Variants in CHST11 observed in about 807,000 individuals in gnomAD.
The protein encoded by CHST11 is carbohydrate sulfotransferase 11, also known as C4S-1.
Under a neutral mutation model 30.4 loss-of-function variants are expected in CHST11, and 9 were observed. The observed-to-expected ratio is 0.30, with a 90% CI of 0.18 to 0.52. The LOEUF (loss-of-function observed/expected upper bound fraction) is 0.52, where lower values mean the gene tolerates loss of function less well. CHST11 is among the 20% of genes least tolerant of loss of function. The probability of loss-of-function intolerance (pLI) is 0.97; values close to 1 mark genes in which losing one functional copy is unlikely to be tolerated. For synonymous variants in CHST11, 152 were observed against 187.8 expected, an observed-to-expected ratio of 0.81 and a Z score of 1.56; for missense variants, 348 against 460.6, an observed-to-expected ratio of 0.76 and a Z score of 2.24.
At chr12:104,749,529 A>G (rs1002588703) in intron 2 of CHST11, among the ~76,000 whole-genome samples, 9 of 152,230 alleles carry the variant, frequency 5.9e-5, no homozygotes, top group Non-Finnish European at 1.2e-4. Flanking sequence ...CAGCTCAGAT[A>G]ATTGTCAGAT....
chr12:104,483,675 G>C (rs954155637), intron 1 of CHST11, among the ~76,000 whole-genome samples: 2 of 152,166 alleles, frequency 1.3e-5, no homozygotes, highest in Admixed American at 6.5e-5. Flanking sequence ...GAGAGTAAGG[G>C]GTACCTGAGT....
chr12:104,553,568 CGAGAGAGAGAGA>C lies in CHST11; in HGVS notation c.119-48316_119-48305del, dbSNP rs3039120. On this transcript the variant is annotated intron_variant, in intron 1 of 2. Coordinates refer to ENST00000303694, the MANE Select transcript of CHST11 (RefSeq NM_018413.6). ...CAAGCAAATCTTCACATGGTGTCAG[CGAGAGAGAGAGA>C]GAGAGAGAGAGAGAGAGAGAGTGAG... 2.6e-3 allele frequency: 369 copies of C among 140,046 alleles called. 1 individual carries two copies. Among genetic ancestry groups the C allele is most frequent in the Non-Finnish European group, 4.1e-3 (269 of 65,286 alleles). 8.7% of individuals were successfully genotyped at this position (140,046 alleles called of 1,614,324 possible).
At chr12:104,665,796 TTC>T (rs1039686758) in intron 2 of CHST11, among the ~76,000 whole-genome samples, 8 of 145,314 alleles carry the variant, frequency 5.5e-5, no homozygotes, top group African/African-American at 2.0e-4. Context: ...CCCTTTCTCT[TTC>T]TCTCTCTCTG....
intron 1 of CHST11, among the ~76,000 whole-genome samples, chr12:104,513,678 C>G (rs1431932823): frequency 7.2e-5 from 11 of 152,170 alleles, no homozygotes; most frequent in Admixed American, 6.5e-4. Context: ...CCCAGTGATC[C>G]TCTTGTTGAT....
intron 2 of CHST11, among the ~76,000 whole-genome samples, chr12:104,708,713 A>G (rs955550260): frequency 2.0e-5 from 3 of 151,804 alleles, no homozygotes; most frequent in Non-Finnish European, 4.4e-5. Context: ...TCTCTAGAAA[A>G]CCACAGTCTG....
intron 2 of CHST11, among the ~76,000 whole-genome samples, chr12:104,703,720 G>C (rs1319172683): frequency 1.3e-5 from 2 of 152,232 alleles, no homozygotes; most frequent in Admixed American, 1.3e-4. Context: ...TCCATTCCAG[G>C]CTCACTGTGT....
At position 104,729,449 on chromosome 12, in the gene CHST11, T is replaced by C. The variant is rs2040239421; in HGVS notation, c.205-27500T>C. Among the ~76,000 whole-genome samples, 1 of 152,182 alleles carries C rather than the reference T, an allele frequency of 6.6e-6. No homozygotes were observed. Among genetic ancestry groups the C allele is most frequent in the African/African-American group, 2.4e-5 (1 of 41,440 alleles). On this transcript the variant is annotated intron_variant, in intron 2 of 2. Transcript: ENST00000303694. The surrounding 1 kb of genome is among the most constrained non-coding windows in gnomAD (Gnocchi z 4.0). ...CTCTGCAGACAGTTCACCCAAATGA[T>C]TTGTGAAGAATGCAGATTCCTGTGC...
chr12:104,526,261 C>A (rs1296717236), intron 1 of CHST11, among the ~76,000 whole-genome samples: 1 of 151,716 alleles, frequency 6.6e-6, no homozygotes, highest in Non-Finnish European at 1.5e-5. Flanking sequence ...GGGAGAATTT[C>A]TCTTGGTGTT....
rs144334781 is a variant in CHST11 at position 104,713,911 on chromosome 12, A to G, written c.205-43038A>G. On this transcript the variant is annotated intron_variant, in intron 2 of 2. Transcript: ENST00000303694. ...TCGTTGCATTTTTGCCAACCCACCCATAGCTGCCCCTTTATTTTCATTCTG... is the reference window on the plus strand; with the variant it reads ...TCGTTGCATTTTTGCCAACCCACCCGTAGCTGCCCCTTTATTTTCATTCTG... Among the ~76,000 whole-genome samples the G allele has an allele frequency of 2.9e-3, 449 of 152,284 alleles. 2 individuals carry two copies. Among genetic ancestry groups the G allele is most frequent in the African/African-American group, 0.01 (422 of 41,554 alleles).
chr12:104,508,338 T>C (rs1334761978), intron 1 of CHST11, among the ~76,000 whole-genome samples: 1 of 152,246 alleles, frequency 6.6e-6, no homozygotes, highest in Non-Finnish European at 1.5e-5. Context: ...GTGCTTCCTC[T>C]GTAAAGTAAG....
chr12:104,670,668 CAAAT>C (rs140759691), intron 2 of CHST11, among the ~76,000 whole-genome samples: 11,016 of 150,718 alleles, frequency 0.073, 691 homozygotes, highest in East Asian at 0.3. Flanking sequence ...CACACACACA[CAAAT>C]ATACTCTCAC....
intron 1 of CHST11, among the ~76,000 whole-genome samples, chr12:104,581,166 A>G (rs572181052): frequency 6.4e-4 from 98 of 152,136 alleles, no homozygotes; most frequent in Non-Finnish European, 1.2e-3. Flanking sequence ...TGCTTCTTGC[A>G]TCCTTATCCT....
chr12:104,637,569 C>G lies in CHST11; in HGVS notation c.204+35578C>G, dbSNP rs1163661715. The stretch of plus-strand genomic sequence containing the variant: ...AGATTAAAATCTGTGTGAGACCTTT[C>G]TATGGCTTCCTTCCTGTTGCACTTA... On this transcript the variant is annotated intron_variant, in intron 2 of 2. Coordinates refer to ENST00000303694, the MANE Select transcript of CHST11 (RefSeq NM_018413.6). 2.0e-5 allele frequency among the ~76,000 whole-genome samples: 3 copies of G among 152,310 alleles called. No homozygotes were observed. In the East Asian group the frequency reaches 5.8e-4, roughly 29 times the overall value.
chr12:104,649,819 A>C (rs923656034), intron 2 of CHST11, among the ~76,000 whole-genome samples: 1 of 152,246 alleles, frequency 6.6e-6, no homozygotes, highest in African/African-American at 2.4e-5. Flanking sequence ...TGGGGAATGC[A>C]GCACTCAGCA....
chr12:104,541,395 G>A (rs972153356), intron 1 of CHST11, among the ~76,000 whole-genome samples: 16 of 151,960 alleles, frequency 1.1e-4, no homozygotes, highest in Admixed American at 6.6e-5. Flanking sequence ...TTCATGAAAC[G>A]TGGTCTGTGT....
chr12:104,578,088 C>T (rs1043400346), intron 1 of CHST11, among the ~76,000 whole-genome samples: 4 of 152,106 alleles, frequency 2.6e-5, no homozygotes, highest in Non-Finnish European at 5.9e-5. Flanking sequence ...CTGGGAGGTG[C>T]AGAAGTAGTG....
chr12:104,512,566 C>T (rs1285714976), intron 1 of CHST11, among the ~76,000 whole-genome samples: 3 of 152,076 alleles, frequency 2.0e-5, no homozygotes, highest in Admixed American at 2.0e-4. Context: ...TCACAGTGCC[C>T]CTTTTATTTT....
intron 2 of CHST11, among the ~76,000 whole-genome samples, chr12:104,678,845 A>G (rs1262323891): frequency 2.0e-5 from 3 of 152,140 alleles, no homozygotes; most frequent in Non-Finnish European, 4.4e-5. Context: ...TACTCAAAAC[A>G]GTCCTCAGGA....
intron 1 of CHST11, among the ~76,000 whole-genome samples, chr12:104,485,127 C>T (rs1454964920): frequency 2.0e-5 from 3 of 152,102 alleles, no homozygotes; most frequent in African/African-American, 7.2e-5. Flanking sequence ...TCCAGGACAG[C>T]GGGCCTCAGA....
Sources: gnomAD v4.1 joint callset for allele counts (sites outside exome capture counted in the v4.1 genomes callset) on GRCh38, gnomAD v4.1.1 for gene constraint, Gnocchi (gnomAD v3.1) non-coding constraint, MANE v1.5 for transcripts, NCBI Gene and HGNC (gene_info 2026-07-23, HGNC 2026-07-21) for gene names.